The following ABLIM2 variants were observed in gnomAD, a reference collection of about 807,000 sequenced individuals.
ABLIM2 encodes the protein actin binding LIM protein family member 2.
ABLIM2 carries 53 observed loss-of-function variants against 97.7 expected under a neutral mutation model. The ratio of observed to expected loss-of-function variants is 0.54; its 90% CI spans 0.44 to 0.68. The LOEUF (loss-of-function observed/expected upper bound fraction) is 0.68. Ranked by LOEUF, ABLIM2 falls within the 30% of genes least tolerant of loss-of-function variation. The pLI, the probability that ABLIM2 is intolerant of heterozygous loss-of-function variation, is 0.00. For synonymous variants in ABLIM2, 361 were observed against 345.8 expected (o/e 1.04, Z -0.49); for missense variants, 835 against 867.2 (o/e 0.96, Z 0.47).
chr4:7,981,917 C>A (rs1011118323), intron 20 of ABLIM2, among the ~76,000 whole-genome samples: 1 of 152,204 alleles, frequency 6.6e-6, no homozygotes, highest in Non-Finnish European at 1.5e-5. Flanking sequence ...GGGGACACAG[C>A]CTGTAGCACC....
chr4:8,102,262 C>T (rs1835019482), intron 2 of ABLIM2, among the ~76,000 whole-genome samples: 1 of 152,212 alleles, frequency 6.6e-6, no homozygotes, highest in Non-Finnish European at 1.5e-5. Context: ...TGGGAATGCT[C>T]TTCCCTCATT....
intron 8 of ABLIM2, 108 bp from the exon 9 acceptor site, chr4:8,045,349 T>C: frequency 1.9e-6 from 2 of 1,067,384 alleles, no homozygotes; most frequent in Non-Finnish European, 1.5e-6. Context: ...CACTGCGGTG[T>C]TTCTTTAAAG....
rs889715474 is a variant in ABLIM2, at chr4:8,155,013, A to C, written c.10+3667T>G. ...CAGCCTTAATCACCACCATGAGAAC[A>C]GTATGGGGGAAACCACCCCTGTGAT... On this transcript the variant is annotated intron_variant, in intron 1 of 20. Transcript: ENST00000447017. This position sits in a 1 kb window ranked among gnomAD's most constrained non-coding sequence, Gnocchi z 4.2. 1.3e-5 allele frequency among the ~76,000 whole-genome samples: 2 copies of C among 152,226 alleles called. No homozygotes were observed. The highest frequency in any genetic ancestry group is 4.8e-5 in the African/African-American group (2 of 41,454).
In ABLIM2 at chr4:8,054,384, C is replaced by G. The variant is rs1396684412; in HGVS notation, c.764-138G>C. On this transcript the variant is annotated intron_variant, in intron 7 of 20. Transcript: ENST00000447017. This position sits in a 1 kb window ranked among gnomAD's most constrained non-coding sequence, Gnocchi z 4.9. ...CCACCCTCCAAGCGGCCCTGAGCAT[C>G]CTCTCTGTGCTGGAGTTAGTGCCGG... The G allele has an allele frequency of 1.1e-6, 1 of 884,914 alleles. No individual in the cohort carries two copies. Among genetic ancestry groups the G allele is most frequent in the Non-Finnish European group, 1.8e-6 (1 of 558,740 alleles). The allele number at this position is 884,914 out of a possible 1,614,324, so 54.8% of individuals were successfully genotyped here. A position where few individuals can be genotyped will look rare whatever the true frequency, so the allele number is the denominator to read the frequency against.
Position 8,046,349 on chromosome 4 carries a change from A to T in ABLIM2, c.823-1108T>A, listed in dbSNP as rs1792415330. Among the ~76,000 whole-genome samples the T allele has an allele frequency of 6.6e-6, 1 of 151,396 alleles. No homozygotes were observed. Among genetic ancestry groups the T allele is most frequent in the Admixed American group, 6.6e-5 (1 of 15,220 alleles). On this transcript the variant is annotated intron_variant, in intron 8 of 20. Coordinates refer to ENST00000447017, the MANE Select transcript of ABLIM2 (RefSeq NM_001130083.2). This position sits in a 1 kb window ranked among gnomAD's most constrained non-coding sequence, Gnocchi z 4.4. ...AGGGGCCTCTCCTGGTTCAGCTCTC[A>T]CTGGAGCTGCACACCCCTCTCCTGG...
intron 2 of ABLIM2, among the ~76,000 whole-genome samples, chr4:8,102,322 G>A (rs921678506): frequency 5.9e-5 from 9 of 152,062 alleles, no homozygotes; most frequent in Admixed American, 1.3e-4. Context: ...CACCTCCTCC[G>A]TGAGGCCCAG....
chr4:8,107,461 G>A (rs73075935), intron 1 of ABLIM2, among the ~76,000 whole-genome samples: 4,131 of 152,342 alleles, frequency 0.027, 177 homozygotes, highest in African/African-American at 0.095. Flanking sequence ...AGCTGGCATC[G>A]CTTTGAAGCT....
intron 1 of ABLIM2, among the ~76,000 whole-genome samples, chr4:8,152,351 C>G (rs1042812545): frequency 4.6e-5 from 7 of 151,558 alleles, no homozygotes; most frequent in Admixed American, 2.6e-4. Flanking sequence ...AGGCACCAGA[C>G]GGGACTCGCA....
intron 1 of ABLIM2, among the ~76,000 whole-genome samples, chr4:8,110,910 A>C (rs897692735): frequency 2.0e-5 from 3 of 152,240 alleles, no homozygotes; most frequent in African/African-American, 7.2e-5. Flanking sequence ...ACAGGTAGGT[A>C]AGTGGGTATG....
At chr4:8,053,177 A>G (rs1423484018) in intron 8 of ABLIM2, among the ~76,000 whole-genome samples, 2 of 152,204 alleles carry the variant, frequency 1.3e-5, no homozygotes, top group Admixed American at 6.5e-5. Flanking sequence ...TCACTGAGAT[A>G]AGTGCAGATC....
chr4:7,993,853 C>T (rs914139919), intron 16 of ABLIM2: 23 of 467,756 alleles, frequency 4.9e-5, no homozygotes, highest in African/African-American at 4.3e-4. Context: ...TTCCCAGCCC[C>T]CACCGAGCTC....
At chr4:7,994,096 T>A (rs1751250600) in intron 16 of ABLIM2, among the ~76,000 whole-genome samples, 2 of 92,272 alleles carry the variant, frequency 2.2e-5, no homozygotes, top group Admixed American at 2.3e-4. Flanking sequence ...TTTTTTTTTT[T>A]TTTTTTTTTT....
intron 20 of ABLIM2, among the ~76,000 whole-genome samples, chr4:7,976,933 A>T (rs1253305675): frequency 2.0e-5 from 3 of 152,264 alleles, no homozygotes; most frequent in Middle Eastern, 3.4e-3. Flanking sequence ...ACATACACAC[A>T]TATCCACATA....
intron 1 of ABLIM2, among the ~76,000 whole-genome samples, chr4:8,142,772 T>C (rs901566649): frequency 6.6e-6 from 1 of 152,190 alleles, no homozygotes; most frequent in Non-Finnish European, 1.5e-5. Context: ...CTTCCTGCAA[T>C]TGTGCAGCAC....
chr4:8,123,788 G>A lies in ABLIM2; in HGVS notation c.11-17151C>T, dbSNP rs1272933186. ...GCATTGGGTCACACAGCCCAACTGG[G>A]GTGACAAGGTCCTGGCTCCACCCGG... On this transcript the variant is annotated intron_variant, in intron 1 of 20. Transcript: ENST00000447017. The surrounding 1 kb of genome is among the most constrained non-coding windows in gnomAD (Gnocchi z 6.2). Among the ~76,000 whole-genome samples the A allele has an allele frequency of 6.6e-6, 1 of 152,192 alleles. No homozygotes were observed. Among genetic ancestry groups the A allele is most frequent in the Non-Finnish European group, 1.5e-5 (1 of 68,046 alleles).
chr4:7,975,714 T>C (rs1037652120), intron 20 of ABLIM2, among the ~76,000 whole-genome samples: 6 of 152,138 alleles, frequency 3.9e-5, no homozygotes, highest in African/African-American at 1.4e-4. Flanking sequence ...CCAAACAATA[T>C]CTAACTAAAT....
intron 1 of ABLIM2, among the ~76,000 whole-genome samples, chr4:8,138,598 T>C (rs1850506263): frequency 6.6e-6 from 1 of 152,074 alleles, no homozygotes; most frequent in Admixed American, 6.5e-5. Context: ...TCAACAAACT[T>C]GAGAAAACAA....
Position 8,148,465 on chromosome 4 carries a change from G to A in ABLIM2, c.10+10215C>T, listed in dbSNP as rs979188075. Among the ~76,000 whole-genome samples the A allele has an allele frequency of 2.6e-5, 4 of 152,172 alleles. No individual in the cohort carries two copies. Among genetic ancestry groups the A allele is most frequent in the African/African-American group, 4.8e-5 (2 of 41,442 alleles). ...GTTAGGAGTGCGGGTTCTGCAGCTG[G>A]CACGGTGCTTCTCAGCCGAATCACC... On this transcript the variant is annotated intron_variant, in intron 1 of 20. Transcript: ENST00000447017. This position sits in a 1 kb window ranked among gnomAD's most constrained non-coding sequence, Gnocchi z 6.7.
intron 3 of ABLIM2, among the ~76,000 whole-genome samples, chr4:8,089,321 G>T (rs937113980): frequency 6.6e-6 from 1 of 152,180 alleles, no homozygotes; most frequent in Non-Finnish European, 1.5e-5. Context: ...CTCGACACCT[G>T]CTGCCATCAA....
Sources: gnomAD v4.1 joint callset for allele counts (sites outside exome capture counted in the v4.1 genomes callset) on GRCh38, gnomAD v4.1.1 for gene constraint, Gnocchi (gnomAD v3.1) non-coding constraint, MANE v1.5 for transcripts, NCBI Gene and HGNC (gene_info 2026-07-23, HGNC 2026-07-21) for gene names.